GSTA5: variants seen among roughly 807,000 people sequenced by gnomAD.
GSTA5 encodes glutathione S-transferase alpha 5.
In GSTA5, 25 loss-of-function variants were observed where a neutral mutation model predicts 21.8. The ratio of observed to expected loss-of-function variants is 1.14; its 90% CI spans 0.83 to 1.60. The LOEUF is 1.60. Among genes scored for constraint, GSTA5 ranks in the 40% most tolerant of loss-of-function variants. GSTA5 has a pLI of 0.00. For missense variants in GSTA5, 330 were observed against 259.2 expected, an observed-to-expected ratio of 1.27 and a Z score of -1.88; for synonymous variants, 102 against 89.5, an observed-to-expected ratio of 1.14 and a Z score of -0.78.
intron 5 of GSTA5, 101 bp downstream of exon 5, chr6:52,832,758 G>A (rs1764234319): frequency 6.4e-7 from 1 of 1,566,744 alleles, no homozygotes; most frequent in African/African-American, 1.4e-5. Flanking sequence ...CTGAAGGGCT[G>A]GAGAAGGGTG....
At chr6:52,834,879 C>G (rs1263290976) in intron 3 of GSTA5, among the ~76,000 whole-genome samples, 1 of 152,146 alleles carries the variant, frequency 6.6e-6, no homozygotes, top group Non-Finnish European at 1.5e-5. Context: ...CCATGTGTGC[C>G]TTTCCTGAGA....
At chr6:52,837,069 C>A (rs1376867799) in intron 2 of GSTA5, among the ~76,000 whole-genome samples, 2 of 152,126 alleles carry the variant, frequency 1.3e-5, no homozygotes, top group Non-Finnish European at 2.9e-5. Context: ...ACATCTAAGG[C>A]AGGTTCTGAG....
chr6:52,835,117 ATTC>A (rs1469252929), intron 3 of GSTA5, among the ~76,000 whole-genome samples: 1 of 152,226 alleles, frequency 6.6e-6, no homozygotes, highest in Non-Finnish European at 1.5e-5. Context: ...TTCCAGAATT[ATTC>A]TTATCACCCT....
intron 2 of GSTA5, among the ~76,000 whole-genome samples, chr6:52,837,038 G>A (rs116427769): frequency 1.9e-3 from 282 of 152,296 alleles, no homozygotes; most frequent in Middle Eastern, 3.4e-3. Flanking sequence ...AGTTCTCAGG[G>A]TAAGTCTCAT....
the GSTA5 span, chr6:52,846,015 G>T: frequency 6.4e-6 from 1 of 156,270 alleles, no homozygotes; most frequent in Non-Finnish European, 1.4e-5. Context: ...GGCTAGAGAG[G>T]AGCATGTGAG....
At chr6:52,843,874 T>C (rs1764418386), upstream of GSTA5, among the ~76,000 whole-genome samples, 1 of 152,208 alleles carries the variant, frequency 6.6e-6, no homozygotes, top group Admixed American at 6.5e-5. Flanking sequence ...TTTTATCTTA[T>C]ATAATATTTT....
chr6:52,840,876 A>G, upstream of GSTA5: 8 of 1,447,912 alleles, frequency 5.5e-6, no homozygotes, highest in Non-Finnish European at 6.7e-6. Context: ...GAAACGATAG[A>G]ATCAAAAATG....
chr6:52,833,563 C>G (rs1296817161), intron 4 of GSTA5, among the ~76,000 whole-genome samples: 1 of 152,182 alleles, frequency 6.6e-6, no homozygotes, highest in African/African-American at 2.4e-5. Flanking sequence ...CTAACCGGCA[C>G]TCTGTTATAA....
upstream of GSTA5, among the ~76,000 whole-genome samples, chr6:52,842,922 T>C (rs575427882): frequency 1.3e-5 from 2 of 152,214 alleles, no homozygotes; most frequent in African/African-American, 4.8e-5. Context: ...CCACTATAGG[T>C]CCCGGTGTGT....
At chr6:52,843,686 C>T (rs1341587165), upstream of GSTA5, among the ~76,000 whole-genome samples, 1 of 152,102 alleles carries the variant, frequency 6.6e-6, no homozygotes, top group African/African-American at 2.4e-5. Flanking sequence ...ACTTTCCTAA[C>T]TTGGGAAATG....
upstream of GSTA5, among the ~76,000 whole-genome samples, chr6:52,841,180 T>C (rs1401482640): frequency 6.6e-6 from 1 of 152,214 alleles, no homozygotes; most frequent in African/African-American, 2.4e-5. Flanking sequence ...GCTAGTCCCT[T>C]TCAATATTTT....
rs1764293947 is a variant in GSTA5 at position 52,836,378 on chromosome 6, A to C, written c.140-10T>G. ...AACAGCAAACTCCCATCTTAGAAAG[A>C]AGAAAAAAAAAGGAGTATGAAGTGT... On this transcript the variant is annotated splice_polypyrimidine_tract_variant and intron_variant, in intron 2 of 5. Coordinates refer to ENST00000370989, the Ensembl canonical transcript of GSTA5. 6.2e-7 allele frequency: 1 copy of C among 1,613,008 alleles called. No individual in the cohort carries two copies. Among genetic ancestry groups the C allele is most frequent in the African/African-American group, 1.3e-5 (1 of 74,880 alleles).
exon 6 of GSTA5, chr6:52,831,929 C>T (rs767694912): frequency 1.0e-4 from 165 of 1,613,916 alleles, no homozygotes; most frequent in Admixed American, 3.3e-4. Context: ...GCTGCAGAAA[C>T]TTCTTCACCG....
upstream of GSTA5, among the ~76,000 whole-genome samples, chr6:52,844,591 G>C (rs1387607665): frequency 6.6e-6 from 1 of 152,188 alleles, no homozygotes; most frequent in East Asian, 1.9e-4. Context: ...TCTTATCGGA[G>C]AGAAGGGAGA....
At chr6:52,834,229 A>C (rs1561926038) in exon 4 of GSTA5, 2 of 1,613,882 alleles carry the variant, frequency 1.2e-6, no homozygotes, top group African/African-American at 2.7e-5. Context: ...ACATATGAGC[A>C]GAAGAAGGAT....
intron 4 of GSTA5, among the ~76,000 whole-genome samples, chr6:52,833,713 T>C (rs1432112951): frequency 6.6e-6 from 1 of 152,204 alleles, no homozygotes; most frequent in Non-Finnish European, 1.5e-5. Flanking sequence ...TGCAATATTC[T>C]CTGGTTGGGC....
chr6:52,836,244 C>T lies in GSTA5; in HGVS notation c.264G>A (p.Glu88=), dbSNP rs61735553. The change falls in exon 3 of 6, where the codon GAG becomes GAA. Residue 88 remains glutamate (E), a synonymous_variant. Coordinates refer to ENST00000370989, the Ensembl canonical transcript of GSTA5. ...CAGAAAATATACCATACAGGGCTCT[C>T]TCCTTCATGTCTTTCCCATAAAGGT... 4.0e-5 allele frequency: 64 copies of T among 1,613,310 alleles called. No homozygotes were observed. The African/African-American group carries it at 7.5e-4, about 19-fold the overall frequency.
chr6:52,845,308 T>A (rs1282726641), upstream of GSTA5, among the ~76,000 whole-genome samples: 2 of 152,178 alleles, frequency 1.3e-5, no homozygotes, highest in African/African-American at 2.4e-5. Flanking sequence ...TTTGCTCCTC[T>A]GCTCCAGAGG....
At chr6:52,835,729 G>T (rs778297534) in intron 3 of GSTA5, among the ~76,000 whole-genome samples, 10 of 152,130 alleles carry the variant, frequency 6.6e-5, no homozygotes, top group Admixed American at 2.0e-4. Context: ...AGCATCCTGG[G>T]CACCAGCCTC....
Sources: gnomAD v4.1 joint callset for allele counts (sites outside exome capture counted in the v4.1 genomes callset) on GRCh38, gnomAD v4.1.1 for gene constraint, MANE v1.5 for transcripts, NCBI Gene and HGNC (gene_info 2026-07-23, HGNC 2026-07-21) for gene names.